CELA2B: variants seen among roughly 807,000 people sequenced by gnomAD.
CELA2B encodes chymotrypsin-like elastase family member 2B.
A neutral mutation model predicts 36.5 loss-of-function variants in CELA2B; 27 were observed. The observed-to-expected ratio is 0.74, with a 90% confidence interval of 0.55 to 1.02. CELA2B has a LOEUF of 1.02. Ranked by LOEUF, CELA2B falls within the 50% of genes least tolerant of loss-of-function variation. The pLI, the probability that CELA2B is intolerant of heterozygous loss-of-function variation, is 0.00. For missense variants in CELA2B, 340 were observed against 347.8 expected (o/e 0.98, Z 0.18); for synonymous variants, 143 against 148.5 (o/e 0.96, Z 0.27).
intron 7 of CELA2B, among the ~76,000 whole-genome samples, chr1:15,489,364 G>A (rs1708843925): frequency 1.3e-5 from 2 of 152,268 alleles, no homozygotes; most frequent in Admixed American, 6.5e-5. Context: ...GCTGGGCAGA[G>A]GCCCTGTGTT....
intron 1 of CELA2B, 115 bp from the exon 2 acceptor site, chr1:15,476,342 C>T (rs1708669982): frequency 2.1e-6 from 3 of 1,397,184 alleles, no homozygotes; most frequent in East Asian, 2.3e-5. Context: ...TTTATGACCT[C>T]TTGGGATCCT....
At chr1:15,479,438 G>A (rs544981557) in intron 2 of CELA2B, among the ~76,000 whole-genome samples, 1 of 152,018 alleles carries the variant, frequency 6.6e-6, no homozygotes, top group Non-Finnish European at 1.5e-5. Context: ...CCCAGCTAGT[G>A]GGGAGGCTGA....
At chr1:15,482,207 C>T (rs4661635) in intron 3 of CELA2B, 58 bp from the exon 4 acceptor site, 414,340 of 1,596,294 alleles carry the variant, frequency 0.26, 56,871 homozygotes, top group East Asian at 0.54. Flanking sequence ...CTATCCCTAG[C>T]ATTATTCAAA....
At position 15,476,516 on chromosome 1, in the gene CELA2B, G is replaced by A. The variant is rs751526115; in HGVS notation, c.100G>A (p.Glu34Lys). 6.2e-7 allele frequency: 1 copy of A among 1,614,080 alleles called. No homozygotes were observed. Among genetic ancestry groups the A allele is most frequent in the Admixed American group, 1.7e-5 (1 of 60,008 alleles). ...PDMSRMLGGE[E>K]ARPNSWPWQV... ...TATGTCTAGGATGCTTGGAGGTGAA[G>A]AAGCGAGGCCCAACAGCTGGCCCTG... is the stretch of plus-strand genomic sequence containing the variant. Residue 34 changes from glutamate to lysine, a missense_variant, in exon 2 of 8, where the codon GAA becomes AAA. Coordinates refer to ENST00000375910, the MANE Select transcript of CELA2B (RefSeq NM_015849.3).
rs1570809931 is a variant in CELA2B, at chr1:15,483,477, C to T, written c.493+77C>T. The T allele has an allele frequency of 2.5e-6, 4 of 1,600,608 alleles. No individual in the cohort carries two copies. The East Asian group carries it at 8.9e-5, about 36-fold the overall frequency. ...ACCCCTGTCCGGCCAGGGCCTCTCA[C>T]CTCACATGTTATCCTGGGCATGTGG... On this transcript the variant is annotated intron_variant, in intron 5 of 7. Transcript: ENST00000375910.
chr1:15,490,413 T>C (rs1419041251), intron 7 of CELA2B, among the ~76,000 whole-genome samples: 2 of 152,190 alleles, frequency 1.3e-5, no homozygotes, highest in Non-Finnish European at 2.9e-5. Flanking sequence ...TAGTATTCCA[T>C]AGTTTGAGTG....
intron 2 of CELA2B, among the ~76,000 whole-genome samples, chr1:15,478,401 G>A (rs567216264): frequency 6.6e-6 from 1 of 151,112 alleles, no homozygotes; most frequent in African/African-American, 2.4e-5. Context: ...GCACCACCAT[G>A]CCCGGCTAAT....
chr1:15,479,283 G>T (rs1374486081), intron 2 of CELA2B, among the ~76,000 whole-genome samples: 1 of 152,142 alleles, frequency 6.6e-6, no homozygotes, highest in East Asian at 1.9e-4. Flanking sequence ...AGTGGCTCAC[G>T]CATGTAATCC....
chr1:15,485,746 C>A, intron 5 of CELA2B, 155 bp from the exon 6 acceptor site: 1 of 958,490 alleles, frequency 1.0e-6, no homozygotes, highest in Non-Finnish European at 1.6e-6. Flanking sequence ...AGCACACTAA[C>A]CAATCAAATG....
At chr1:15,486,136 A>G (rs970871929) in intron 6 of CELA2B, 90 bp downstream of exon 6, 1 of 1,503,842 alleles carries the variant, frequency 6.6e-7, no homozygotes, top group Non-Finnish European at 9.0e-7. Context: ...CCATAGGTCC[A>G]TCCTCCGACC....
At chr1:15,478,022 G>A (rs548958087) in intron 2 of CELA2B, among the ~76,000 whole-genome samples, 5 of 152,182 alleles carry the variant, frequency 3.3e-5, no homozygotes, top group African/African-American at 1.2e-4. Flanking sequence ...TGATAGGCCA[G>A]GCGTGGTGGC....
intron 2 of CELA2B, among the ~76,000 whole-genome samples, chr1:15,479,874 T>C (rs1314875242): frequency 6.6e-6 from 1 of 151,772 alleles, no homozygotes; most frequent in Admixed American, 6.6e-5. Flanking sequence ...GCGGGTTTGG[T>C]GTATGTGCAG....
At chr1:15,488,324 C>T (rs923677357) in intron 7 of CELA2B, among the ~76,000 whole-genome samples, 8 of 152,058 alleles carry the variant, frequency 5.3e-5, no homozygotes, top group African/African-American at 1.9e-4. Context: ...GAGGTGGAGC[C>T]TACAGTAAGC....
At chr1:15,484,431 C>T (rs985764412) in intron 5 of CELA2B, among the ~76,000 whole-genome samples, 1 of 152,122 alleles carries the variant, frequency 6.6e-6, no homozygotes, top group Admixed American at 6.5e-5. Context: ...GACATTATGA[C>T]ATTTTTTCCT....
Position 15,487,375 on chromosome 1 carries a change from A to C in CELA2B, c.730A>C (p.Asn244His). 6.2e-7 allele frequency: 1 copy of C among 1,614,234 alleles called. No homozygotes were observed. The highest frequency in any genetic ancestry group is 8.5e-7 in the Non-Finnish European group (1 of 1,180,050). The change falls in exon 7 of 8, where the codon AAC (asparagine) becomes CAC (histidine). Residue 244 changes from asparagine to histidine, a missense_variant. Transcript: ENST00000375910. ...CAGCCTCACGTCGGTCCTTGGTTGC[A>C]ACTACTACTACAAGCCCTCCATCTT... ...IGSLTSVLGC[N>H]YYYKPSIFTR... is the part of the protein sequence containing the mutation.
At position 15,483,318 on chromosome 1, in the gene CELA2B, C is replaced by G. The variant is rs776733977; in HGVS notation, c.411C>G (p.Ile137Met). The change falls in exon 5 of 8, where the codon ATC (isoleucine) becomes ATG (methionine). Residue 137 changes from isoleucine to methionine, a missense_variant. Transcript: ENST00000375910. ...LANPVSLTDKIQLACLPPAGT... is the reference protein window; with the variant it reads ...LANPVSLTDKMQLACLPPAGT... ...ACCCCGTCTCCCTCACCGACAAGAT[C>G]CAGCTGGCCTGCCTCCCTCCTGCCG... The G allele has an allele frequency of 6.2e-7, 1 of 1,614,088 alleles. No individual in the cohort carries two copies. Among genetic ancestry groups the G allele is most frequent in the Non-Finnish European group, 8.5e-7 (1 of 1,179,938 alleles).
intron 3 of CELA2B, chr1:15,481,767 C>T (rs552304778): frequency 4.9e-5 from 23 of 469,504 alleles, no homozygotes; most frequent in Non-Finnish European, 8.8e-5. Flanking sequence ...TGACTCCCTA[C>T]CAGGAGTGAT....
At chr1:15,483,186 G>C in intron 4 of CELA2B, 78 bp from the exon 5 acceptor site, 3 of 1,589,860 alleles carry the variant, frequency 1.9e-6, no homozygotes, top group Non-Finnish European at 2.6e-6. Flanking sequence ...AAGATGACAA[G>C]GTCTCCAAGC....
intron 2 of CELA2B, among the ~76,000 whole-genome samples, chr1:15,480,545 G>T (rs1306477191): frequency 6.6e-6 from 1 of 152,244 alleles, no homozygotes; most frequent in East Asian, 1.9e-4. Flanking sequence ...AGAAGGGGAA[G>T]GAAACACATC....
Sources: allele counts gnomAD v4.1 joint callset (sites outside exome capture counted in the v4.1 genomes callset), GRCh38; gene constraint gnomAD v4.1.1; transcripts MANE v1.5; gene names NCBI Gene and HGNC (gene_info 2026-07-23, HGNC 2026-07-21).